RGS1: variants seen among roughly 807,000 people sequenced by gnomAD.
The protein encoded by RGS1 is regulator of G protein signaling 1, also known as B-cell activation protein BL34.
A neutral mutation model predicts 22.2 loss-of-function variants in RGS1; 11 were observed. That is an observed-to-expected ratio of 0.50 (90% confidence interval 0.31 to 0.82). RGS1 has a LOEUF of 0.82. Among genes scored for constraint, RGS1 ranks in the 40% least tolerant of loss-of-function variants. RGS1 has a pLI of 0.04. For missense variants in RGS1, 255 were observed against 245.8 expected (o/e 1.04, Z -0.25); for synonymous variants, 81 against 79.9 (o/e 1.01, Z -0.07).
Position 192,579,197 on chromosome 1 carries a change from A to C in RGS1, c.505A>C (p.Thr169Pro), listed in dbSNP as rs1662121836. The C allele has an allele frequency of 6.2e-7, 1 of 1,613,240 alleles. No homozygotes were observed. Among genetic ancestry groups the C allele is most frequent in the East Asian group, 2.2e-5 (1 of 44,856 alleles). ...TAKKIKAPTP[T>P]CFDEAQKVIY... The stretch of plus-strand genomic sequence containing the variant: ...CAAGAAGATTAAAGCACCAACCCCC[A>C]CGTGTTTTGATGAAGCACAAAAAGT... The change falls in exon 5 of 5, where the codon ACG becomes CCG. Residue 169 changes from threonine (T) to proline (P), a missense_variant. By Grantham distance (38) the Thr-to-Pro change is conservative. Transcript: ENST00000367459.
chr1:192,575,830 A>C lies in RGS1; in HGVS notation c.38A>C (p.Lys13Thr), dbSNP rs1240952370. The C allele has an allele frequency of 2.5e-6, 4 of 1,613,406 alleles. No individual in the cohort carries two copies. Among genetic ancestry groups the C allele is most frequent in the Non-Finnish European group, 3.4e-6 (4 of 1,179,454 alleles). The change falls in exon 1 of 5, where the codon AAA becomes ACA. Residue 13 changes from lysine to threonine, a missense_variant. Coordinates refer to ENST00000367459, the MANE Select transcript of RGS1 (RefSeq NM_002922.4). Reference protein sequence around the residue: ...AAAISTPKLDKMPGMFFSANP... With the variant: ...AAAISTPKLDTMPGMFFSANP... The stretch of plus-strand genomic sequence containing the variant: ...GCCATCTCCACTCCAAAGTTAGACA[A>C]AATGCCAGGAATGTTCTTCTCTGCT...
At chr1:192,579,093 A>C in intron 4 of RGS1, 44 bp from the exon 5 acceptor site, 1 of 1,552,308 alleles carries the variant, frequency 6.4e-7, no homozygotes, top group Non-Finnish European at 8.7e-7. Context: ...TAAAATTTGC[A>C]GTAAAGAAAA....
At chr1:192,577,066 A>G (rs2102319344) in intron 3 of RGS1, 1 of 393,044 alleles carries the variant, frequency 2.5e-6, no homozygotes, top group East Asian at 3.7e-5. Context: ...ATTTTCATAG[A>G]TCATTATGGA....
chr1:192,578,119 TA>T (rs1662096094), intron 3 of RGS1, 102 bp from the exon 4 acceptor site: 1 of 1,341,838 alleles, frequency 7.5e-7, no homozygotes, highest in Admixed American at 2.2e-5. Context: ...TTTGTATGAA[TA>T]GGAAGCAATT....
rs145482899 is a variant in RGS1, at chr1:192,576,854, T to C, written c.280+19T>C. On this transcript the variant is annotated intron_variant, in intron 3 of 4. Transcript: ENST00000367459. ...AACCAAAGTAAGTATAACTATTGAA[T>C]GTTTCTGGGTTCAGCTAAATACTCT... The C allele has an allele frequency of 7.6e-4, 1,222 of 1,603,638 alleles. 17 individuals carry two copies. The Middle Eastern group carries it at 0.012, about 15-fold the overall frequency.
chr1:192,578,583 G>A (rs537812331), intron 4 of RGS1, 198 bp downstream of exon 4: 7 of 650,360 alleles, frequency 1.1e-5, no homozygotes, highest in East Asian at 2.8e-5. Context: ...GTAGAATAAA[G>A]AGACTGATTT....
At chr1:192,578,920 A>G (rs373348338) in intron 4 of RGS1, 144 of 525,010 alleles carry the variant, frequency 2.7e-4, no homozygotes, top group African/African-American at 2.5e-3. Context: ...TCTCCTAACT[A>G]TACTATGAGG....
At chr1:192,577,974 A>G (rs1662093957) in intron 3 of RGS1, 1 of 465,094 alleles carries the variant, frequency 2.2e-6, no homozygotes, top group Non-Finnish European at 3.8e-6. Context: ...TTTGGTAGCC[A>G]CCATCAAGTA....
intron 4 of RGS1, 137 bp downstream of exon 4, chr1:192,578,522 G>T (rs1662103235): frequency 1.1e-6 from 1 of 915,676 alleles, no homozygotes; most frequent in Admixed American, 2.7e-5. Flanking sequence ...TATAAATATA[G>T]TTCAGTGCAA....
At chr1:192,579,061 G>A in intron 4 of RGS1, 76 bp from the exon 5 acceptor site, 1 of 1,429,144 alleles carries the variant, frequency 7.0e-7, no homozygotes, top group Non-Finnish European at 9.5e-7. Context: ...TTTCTGAGGT[G>A]TTTCAAAAAA....
chr1:192,579,562 G>T lies in RGS1; in HGVS notation c.*240G>T, dbSNP rs1662130652. 2 of 415,590 alleles carry T rather than the reference G, an allele frequency of 4.8e-6. No individual in the cohort carries two copies. The highest frequency in any genetic ancestry group is 7.5e-5 in the South Asian group (2 of 26,570). 25.7% of individuals were successfully genotyped at this position (415,590 alleles called of 1,614,324 possible). A position where few individuals can be genotyped will look rare whatever the true frequency, so the allele number is the denominator to read the frequency against. ...TACTGTGGTACTGTCATAAAAAACA[G>T]TGGAGCTCTGTATTAGAAAGCCCCT... is the stretch of plus-strand genomic sequence containing the variant. On this transcript the variant is annotated 3_prime_UTR_variant, in exon 5 of 5. Transcript: ENST00000367459.
Position 192,575,844 on chromosome 1 carries a change from T to C in RGS1, c.52T>C (p.Phe18Leu). The change falls in exon 1 of 5, where the codon TTC becomes CTC. Residue 18 changes from phenylalanine (F) to leucine (L), a missense_variant. Phe to Leu is a conservative substitution (Grantham distance 22, BLOSUM62 0). Transcript: ENST00000367459. Reference sequence around the variant, plus strand: ...AAAGTTAGACAAAATGCCAGGAATGTTCTTCTCTGCTAACCCAAAGGAATT... The same window carrying C: ...AAAGTTAGACAAAATGCCAGGAATGCTCTTCTCTGCTAACCCAAAGGAATT... The part of the protein sequence containing the change: ...TPKLDKMPGM[F>L]FSANPKELKG... The C allele has an allele frequency of 6.2e-7, 1 of 1,613,488 alleles. No individual in the cohort carries two copies.
At chr1:192,577,996 A>G (rs1571548998) in intron 3 of RGS1, 2 of 530,476 alleles carry the variant, frequency 3.8e-6, no homozygotes, top group Admixed American at 7.5e-5. Context: ...CAATGTGACT[A>G]TGAATGAGTT....
Position 192,575,873 on chromosome 1 carries a change from A to C in RGS1, c.81A>C (p.Lys27Asn). Residue 27 changes from lysine to asparagine, a missense_variant, in exon 1 of 5, where the codon AAA (lysine) becomes AAC (asparagine). Coordinates refer to ENST00000367459, the MANE Select transcript of RGS1 (RefSeq NM_002922.4). ...MFFSANPKEL[K>N]GTTHSLLDDK... ...TCTCTGCTAACCCAAAGGAATTGAA[A>C]GGAACCACTCATTCACTTCTAGACG... The C allele has an allele frequency of 6.2e-7, 1 of 1,613,424 alleles. No homozygotes were observed. Among genetic ancestry groups the C allele is most frequent in the Non-Finnish European group, 8.5e-7 (1 of 1,179,508 alleles).
At chr1:192,577,212 A>T (rs1251244032) in intron 3 of RGS1, 1 of 173,830 alleles carries the variant, frequency 5.8e-6, no homozygotes, top group Non-Finnish European at 1.2e-5. Flanking sequence ...AACAAGTATG[A>T]TTCATTCATT....
At chr1:192,578,415 C>A in intron 4 of RGS1, 30 bp downstream of exon 4, 1 of 1,608,536 alleles carries the variant, frequency 6.2e-7, no homozygotes, top group Non-Finnish European at 8.5e-7. Context: ...TCATCAGTTT[C>A]TCCATAAAAG....
At chr1:192,576,588 C>A in intron 2 of RGS1, 186 bp from the exon 3 acceptor site, 1 of 662,238 alleles carries the variant, frequency 1.5e-6, no homozygotes, top group Non-Finnish European at 2.5e-6. Flanking sequence ...ATTTTATTGG[C>A]AGGTTTTTTT....
chr1:192,576,435 C>CTTGCTGGGATATAG, intron 2 of RGS1, 70 bp downstream of exon 2: 3 of 1,139,784 alleles, frequency 2.6e-6, no homozygotes, highest in Non-Finnish European at 3.9e-6. Context: ...CTCTATATCC[C>CTTGCTGGGATATAG]AGCAAGGGAT....
chr1:192,576,908 G>A (rs1260149238), intron 3 of RGS1, 73 bp downstream of exon 3: 2 of 1,283,828 alleles, frequency 1.6e-6, no homozygotes, highest in African/African-American at 2.9e-5. Context: ...ACTAAATATA[G>A]TATTCTGGGT....
Sources: allele counts gnomAD v4.1 joint callset, GRCh38; gene constraint gnomAD v4.1.1; transcripts MANE v1.5; gene names NCBI Gene and HGNC (gene_info 2026-07-23, HGNC 2026-07-21).